Variants in NOS1AP observed in about 807,000 individuals in gnomAD.
The protein encoded by NOS1AP is nitric oxide synthase 1 adaptor protein, also known as carboxyl-terminal PDZ ligand of neuronal nitric oxide synthase protein.
NOS1AP carries 21 observed loss-of-function variants against 56.2 expected under a neutral mutation model. That is an observed-to-expected ratio of 0.37 (90% confidence interval 0.26 to 0.54). The LOEUF (loss-of-function observed/expected upper bound fraction) is 0.54. NOS1AP is among the 20% of genes least tolerant of loss of function. The pLI is 0.84. For synonymous variants in NOS1AP, 270 were observed against 274.6 expected (o/e 0.98, Z 0.17); for missense variants, 522 against 657.8 (o/e 0.79, Z 2.26).
intron 2 of NOS1AP, among the ~76,000 whole-genome samples, chr1:162,226,366 C>T (rs886964800): frequency 6.6e-6 from 1 of 152,184 alleles, no homozygotes; most frequent in Non-Finnish European, 1.5e-5. Context: ...ATGACACATT[C>T]CTTGGGCTGG....
chr1:162,140,337 C>T (rs1649184388), intron 1 of NOS1AP, among the ~76,000 whole-genome samples: 2 of 139,284 alleles, frequency 1.4e-5, no homozygotes, highest in Admixed American at 7.4e-5. Flanking sequence ...GGCACACGTG[C>T]AGGTCTGTTA....
At chr1:162,242,760 C>T (rs778894214) in intron 2 of NOS1AP, among the ~76,000 whole-genome samples, 5 of 152,128 alleles carry the variant, frequency 3.3e-5, no homozygotes, top group African/African-American at 4.8e-5. Flanking sequence ...AAAGCAGCAA[C>T]TCAGGGGATC....
At chr1:162,116,075 C>T (rs941644196) in intron 1 of NOS1AP, among the ~76,000 whole-genome samples, 1 of 152,132 alleles carries the variant, frequency 6.6e-6, no homozygotes, top group Non-Finnish European at 1.5e-5. Flanking sequence ...GTGTCATCCT[C>T]CTTTACTTAG....
chr1:162,170,450 T>A (rs1240995799), intron 2 of NOS1AP, among the ~76,000 whole-genome samples: 1 of 152,232 alleles, frequency 6.6e-6, no homozygotes. Flanking sequence ...GGCTCTCAAC[T>A]AGTAAGCCAC....
At chr1:162,321,731 A>ATATATATATATATATATATATATATAT (rs1553205807) in intron 4 of NOS1AP, among the ~76,000 whole-genome samples, 1 of 128,494 alleles carries the variant, frequency 7.8e-6, no homozygotes, top group African/African-American at 2.9e-5. Context: ...AAAAAAAAAA[A>ATATATATATATATATATATATATATAT]ATATATATAT....
chr1:162,272,333 G>A (rs987467015), intron 2 of NOS1AP, among the ~76,000 whole-genome samples: 5 of 152,140 alleles, frequency 3.3e-5, no homozygotes, highest in African/African-American at 1.2e-4. Flanking sequence ...GTTCTCGTGT[G>A]TGGAGAACAG....
chr1:162,256,169 T>C (rs1208255954), intron 2 of NOS1AP, among the ~76,000 whole-genome samples: 1 of 151,680 alleles, frequency 6.6e-6, no homozygotes, highest in Non-Finnish European at 1.5e-5. Flanking sequence ...AAAAAAAGAA[T>C]TGGCTAAATT....
At chr1:162,213,796 C>T (rs778463994) in intron 2 of NOS1AP, among the ~76,000 whole-genome samples, 8 of 152,190 alleles carry the variant, frequency 5.3e-5, no homozygotes, top group Admixed American at 5.2e-4. Context: ...CGCCGCCGCT[C>T]GTGTAGTTCT....
At chr1:162,228,530 G>A (rs921613075) in intron 2 of NOS1AP, among the ~76,000 whole-genome samples, 1 of 152,188 alleles carries the variant, frequency 6.6e-6, no homozygotes, top group Non-Finnish European at 1.5e-5. Context: ...GACAGAATAG[G>A]AGTTCAAGAC....
chr1:162,364,676 C>T, intron 8 of NOS1AP: 1 of 985,586 alleles, frequency 1.0e-6, no homozygotes, highest in Non-Finnish European at 1.2e-6. Flanking sequence ...TCTCATGAAT[C>T]AGTCAGCAAA....
At chr1:162,145,281 G>C (rs11809940) in intron 1 of NOS1AP, among the ~76,000 whole-genome samples, 2 of 152,054 alleles carry the variant, frequency 1.3e-5, no homozygotes, top group Non-Finnish European at 2.9e-5. Context: ...TTGGCACTGA[G>C]GCTTCTCTCT....
At chr1:162,201,412 A>G (rs1465292674) in intron 2 of NOS1AP, among the ~76,000 whole-genome samples, 1 of 152,200 alleles carries the variant, frequency 6.6e-6, no homozygotes, top group Non-Finnish European at 1.5e-5. Flanking sequence ...TGATAAATAG[A>G]TGCATGCATG....
intron 2 of NOS1AP, among the ~76,000 whole-genome samples, chr1:162,284,677 A>C (rs2101734384): frequency 6.6e-6 from 1 of 152,350 alleles, no homozygotes; most frequent in Non-Finnish European, 1.5e-5. Flanking sequence ...CTAAAGAGAA[A>C]GTTCAGTTGC....
At chr1:162,191,014 T>C (rs1004879208) in intron 2 of NOS1AP, among the ~76,000 whole-genome samples, 36 of 152,170 alleles carry the variant, frequency 2.4e-4, no homozygotes, top group African/African-American at 7.2e-4. Context: ...TGGCTCCCTA[T>C]CGTGTTACTT....
At chr1:162,264,469 C>CTCTCCTCTCCTCTCCTCTCCTCTCCTCT (rs1553200311) in intron 2 of NOS1AP, among the ~76,000 whole-genome samples, 4 of 31,858 alleles carry the variant, frequency 1.3e-4, no homozygotes, top group African/African-American at 2.9e-4. Flanking sequence ...TCTTCTCCTC[C>CTCTCCTCTCCTCTCCTCTCCTCTCCTCT]CCTCCCCTCC....
chr1:162,130,897 T>A (rs1648720326), intron 1 of NOS1AP, among the ~76,000 whole-genome samples: 1 of 152,192 alleles, frequency 6.6e-6, no homozygotes, highest in Admixed American at 6.5e-5. Context: ...ATCAAGTAGG[T>A]CGGGTAGTCC....
chr1:162,132,520 C>T (rs1207134374), intron 1 of NOS1AP, among the ~76,000 whole-genome samples: 1 of 152,182 alleles, frequency 6.6e-6, no homozygotes, highest in Non-Finnish European at 1.5e-5. Context: ...TAGTGAAACA[C>T]AGGAGAATTG....
chr1:162,278,657 CCTT>C (rs1240980812), intron 2 of NOS1AP, among the ~76,000 whole-genome samples: 3 of 143,978 alleles, frequency 2.1e-5, no homozygotes, highest in South Asian at 2.4e-4. Context: ...AACGTTTACT[CCTT>C]CTACGTGTGT....
chr1:162,216,746 CACTG>C (rs1652581199), intron 2 of NOS1AP, among the ~76,000 whole-genome samples: 1 of 152,192 alleles, frequency 6.6e-6, no homozygotes. Flanking sequence ...GTTATAAGAA[CACTG>C]ACTGTGGAAT....
Sources: allele counts gnomAD v4.1 joint callset (sites outside exome capture counted in the v4.1 genomes callset), GRCh38; gene constraint gnomAD v4.1.1; transcripts MANE v1.5; gene names NCBI Gene and HGNC (gene_info 2026-07-23, HGNC 2026-07-21).